SLC12A7: variants seen among roughly 807,000 people sequenced by gnomAD.
SLC12A7 encodes solute carrier family 12 member 7, also known as K-Cl cotransporter 4.
Under a neutral mutation model 120.6 loss-of-function variants are expected in SLC12A7, and 100 were observed. The ratio of observed to expected loss-of-function variants is 0.83; its 90% confidence interval spans 0.71 to 0.98. The LOEUF (loss-of-function observed/expected upper bound fraction) is 0.98. SLC12A7 is among the 50% of genes least tolerant of loss of function. The probability of loss-of-function intolerance (pLI) is 0.00; values close to 1 mark genes in which losing one functional copy is unlikely to be tolerated. For synonymous variants in SLC12A7, 760 were observed against 678.0 expected (o/e 1.12, Z -1.88); for missense variants, 1,373 against 1,548.1 (o/e 0.89, Z 1.90).
rs1452829081 is a variant in SLC12A7 at position 1,096,673 on chromosome 5, GAAGA to G, written c.125-2429_125-2426del. 4.2e-4 allele frequency among the ~76,000 whole-genome samples: 52 copies of G among 123,868 alleles called. 1 individual carries two copies. Among genetic ancestry groups the G allele is most frequent in the Non-Finnish European group, 8.1e-4 (48 of 59,508 alleles). 81.3% of individuals were successfully genotyped at this position (123,868 alleles called of 152,430 possible). A position where few individuals can be genotyped will look rare whatever the true frequency, so the allele number is the denominator to read the frequency against. ...CTATTCTTAGAGGGAGGGAGGGAAGGAAGAAAGGAGGGAGGGGGGAAGGGAGGGA... is the reference window on the plus strand; with the variant it reads ...CTATTCTTAGAGGGAGGGAGGGAAGGAAGGAGGGAGGGGGGAAGGGAGGGA... On this transcript the variant is annotated intron_variant, in intron 1 of 23. Coordinates refer to ENST00000264930, the MANE Select transcript of SLC12A7 (RefSeq NM_006598.3).
chr5:1,140,497 AG>A, the SLC12A7 span, among the ~76,000 whole-genome samples: 86,524 of 151,790 alleles, frequency 0.57, 26,390 homozygotes, highest in African/African-American at 0.8. Context: ...CCTGCTGGTG[AG>A]GGGGGGTGCT....
chr5:1,063,329 G>A (rs908103579), intron 20 of SLC12A7, among the ~76,000 whole-genome samples: 1 of 152,210 alleles, frequency 6.6e-6, no homozygotes, highest in Non-Finnish European at 1.5e-5. Flanking sequence ...TCTGGGGAGA[G>A]CACCCAAAAC....
rs1211802614 is a variant in SLC12A7 at position 1,050,766 on chromosome 5, C to T, written c.*1594G>A. ...TTAACTCATGCTTAGCCAAGGCAGGCAGAGGCTGTGGGAACTGCTGAGCCC... is the reference window on the plus strand; with the variant it reads ...TTAACTCATGCTTAGCCAAGGCAGGTAGAGGCTGTGGGAACTGCTGAGCCC... On this transcript the variant is annotated 3_prime_UTR_variant, in exon 24 of 24. Coordinates refer to ENST00000264930, the MANE Select transcript of SLC12A7 (RefSeq NM_006598.3). 5.0e-6 allele frequency: 2 copies of T among 398,064 alleles called. No individual in the cohort carries two copies. The highest frequency in any genetic ancestry group is 7.1e-5 in the East Asian group (2 of 28,086). The allele number at this position is 398,064 out of a possible 1,614,324, so 24.7% of individuals were successfully genotyped here. A position where few individuals can be genotyped will look rare whatever the true frequency, so the allele number is the denominator to read the frequency against.
the SLC12A7 span, among the ~76,000 whole-genome samples, chr5:1,118,344 A>G: frequency 6.6e-6 from 1 of 152,154 alleles, no homozygotes; most frequent in Admixed American, 6.5e-5. Flanking sequence ...CATGAGGGGG[A>G]GTCCATGGGC....
At position 1,082,915 on chromosome 5, in the gene SLC12A7, G is replaced by A. The variant is rs1347605750; in HGVS notation, c.1129+830C>T. On this transcript the variant is annotated intron_variant, in intron 8 of 23. Coordinates refer to ENST00000264930, the MANE Select transcript of SLC12A7 (RefSeq NM_006598.3). ...GGGTTCTGGAAAGCCTGGGCTTCCCGTCTCGGGTTCTGGAAAGCCTGGGCT... is the reference window on the plus strand; with the variant it reads ...GGGTTCTGGAAAGCCTGGGCTTCCCATCTCGGGTTCTGGAAAGCCTGGGCT... Among the ~76,000 whole-genome samples, 259 of 119,646 alleles carry A rather than the reference G, an allele frequency of 2.2e-3. 2 individuals carry two copies. Among genetic ancestry groups the A allele is most frequent in the South Asian group, 8.4e-3 (29 of 3,458 alleles). The allele number at this position is 119,646 out of a possible 152,430, so 78.5% of individuals were successfully genotyped here.
At chr5:1,056,670 C>CGTCCTCCTGGGCAGCCA in intron 22 of SLC12A7, 1 of 817,580 alleles carries the variant, frequency 1.2e-6, no homozygotes, top group Non-Finnish European at 1.5e-6. Context: ...GATCGCATGG[C>CGTCCTCCTGGGCAGCCA]TGCCCAGGAG....
At chr5:1,091,272 G>A (rs773539076) in intron 3 of SLC12A7, among the ~76,000 whole-genome samples, 7 of 152,208 alleles carry the variant, frequency 4.6e-5, no homozygotes, top group Non-Finnish European at 1.0e-4. Context: ...CTGCCTGGAC[G>A]TTTCAGTCAT....
Position 1,052,191 on chromosome 5 carries a change from G to A in SLC12A7, c.*169C>T, listed in dbSNP as rs891322659. On this transcript the variant is annotated 3_prime_UTR_variant, in exon 24 of 24. Transcript: ENST00000264930. ...GAGCCTGTTAAGGCTGAACAGGAGA[G>A]CCCTAGGTGACGGGCCTAGAAACTT... 9 of 630,774 alleles carry A rather than the reference G, an allele frequency of 1.4e-5. No homozygotes were observed. The highest frequency in any genetic ancestry group is 2.3e-5 in the Non-Finnish European group (8 of 350,888). 39.1% of individuals were successfully genotyped at this position (630,774 alleles called of 1,614,324 possible).
chr5:1,108,788 C>T (rs1234047657), intron 1 of SLC12A7, among the ~76,000 whole-genome samples: 4 of 152,190 alleles, frequency 2.6e-5, no homozygotes, highest in Non-Finnish European at 5.9e-5. Flanking sequence ...GCAGCTCTAG[C>T]TGTCCTCAGA....
the SLC12A7 span, among the ~76,000 whole-genome samples, chr5:1,153,415 G>T: frequency 6.6e-6 from 1 of 152,222 alleles, no homozygotes; most frequent in African/African-American, 2.4e-5. Flanking sequence ...ACCTTCACCT[G>T]CCCCCACACG....
chr5:1,078,432 G>A (rs933284249), intron 11 of SLC12A7: 12 of 579,242 alleles, frequency 2.1e-5, no homozygotes, highest in East Asian at 8.6e-5. Flanking sequence ...AGCCTCACCC[G>A]TCCACACCCC....
At chr5:1,095,290 C>G (rs1176763859) in intron 1 of SLC12A7, among the ~76,000 whole-genome samples, 1 of 152,222 alleles carries the variant, frequency 6.6e-6, no homozygotes, top group Non-Finnish European at 1.5e-5. Flanking sequence ...GGGACTGTCA[C>G]AGCAACACAA....
the SLC12A7 span, among the ~76,000 whole-genome samples, chr5:1,120,288 G>A: frequency 6.6e-6 from 1 of 152,176 alleles, no homozygotes; most frequent in Admixed American, 6.5e-5. Flanking sequence ...AGCTGGGTGG[G>A]CACCTGCCGT....
At chr5:1,060,826 C>G (rs1274492544) in intron 20 of SLC12A7, among the ~76,000 whole-genome samples, 1 of 150,724 alleles carries the variant, frequency 6.6e-6, no homozygotes, top group Non-Finnish European at 1.5e-5. Flanking sequence ...CTCAGGGGGG[C>G]TTGGCACCAT....
chr5:1,079,596 C>T (rs933231408), intron 9 of SLC12A7, 100 bp from the exon 10 acceptor site: 4 of 947,384 alleles, frequency 4.2e-6, no homozygotes, highest in African/African-American at 1.6e-5. Context: ...TCTGGGGAGA[C>T]CCCGAGCGTG....
At chr5:1,129,271 A>G in the SLC12A7 span, among the ~76,000 whole-genome samples, 2 of 152,116 alleles carry the variant, frequency 1.3e-5, no homozygotes, top group Admixed American at 6.5e-5. Context: ...TGCAGGGTAC[A>G]ACGCCTCCTG....
At chr5:1,153,443 TG>T in the SLC12A7 span, among the ~76,000 whole-genome samples, 6 of 152,112 alleles carry the variant, frequency 3.9e-5, no homozygotes, top group Non-Finnish European at 8.8e-5. Context: ...CAGGGGCCTC[TG>T]GGGGGGTCCA....
At chr5:1,086,104 C>T (rs7709347) in intron 6 of SLC12A7, among the ~76,000 whole-genome samples, 77,048 of 152,030 alleles carry the variant, frequency 0.51, 19,812 homozygotes, top group East Asian at 0.69. Flanking sequence ...CCACGGCACC[C>T]GGGGCAGGTG....
At chr5:1,099,921 T>C (rs902706850) in intron 1 of SLC12A7, among the ~76,000 whole-genome samples, 1 of 151,522 alleles carries the variant, frequency 6.6e-6, no homozygotes, top group Non-Finnish European at 1.5e-5. Context: ...CCCCCAGGCC[T>C]GGCCCGCCCC....
Sources: gnomAD v4.1 joint callset for allele counts (sites outside exome capture counted in the v4.1 genomes callset) on GRCh38, gnomAD v4.1.1 for gene constraint, MANE v1.5 for transcripts, NCBI Gene and HGNC (gene_info 2026-07-23, HGNC 2026-07-21) for gene names.